Variants in VARS2 observed in about 807,000 individuals in gnomAD.
VARS2 encodes the protein valine--tRNA ligase, mitochondrial.
VARS2 carries 105 observed loss-of-function variants against 154.1 expected under a neutral mutation model. The observed-to-expected ratio is 0.68, with a 90% CI of 0.58 to 0.80. The LOEUF is 0.80. Among genes scored for constraint, VARS2 ranks in the 30% least tolerant of loss-of-function variants. The pLI, the probability that VARS2 is intolerant of heterozygous loss-of-function variation, is 0.00. For synonymous variants in VARS2, 483 were observed against 539.5 expected, an observed-to-expected ratio of 0.90 and a Z score of 1.45; for missense variants, 1,157 against 1,361.4, an observed-to-expected ratio of 0.85 and a Z score of 2.36.
Position 30,920,893 on chromosome 6 carries a change from T to C in VARS2, c.1479+144T>C. Reference sequence around the variant, plus strand: ...CTGAGAGGATGTGTGGGATGGAGGCTGGGCGGCCCAGCAAGGGCTGGCTCA... The same window carrying C: ...CTGAGAGGATGTGTGGGATGGAGGCCGGGCGGCCCAGCAAGGGCTGGCTCA... On this transcript the variant is annotated intron_variant, in intron 15 of 29. Coordinates refer to ENST00000676266, the MANE Select transcript of VARS2 (RefSeq NM_020442.6). The surrounding 1 kb of genome is among the most constrained non-coding windows in gnomAD (Gnocchi z 4.6). 1 of 1,098,560 alleles carries C rather than the reference T, an allele frequency of 9.1e-7. No homozygotes were observed. Among genetic ancestry groups the C allele is most frequent in the Non-Finnish European group, 1.3e-6 (1 of 780,120 alleles). 68.1% of individuals were successfully genotyped at this position (1,098,560 alleles called of 1,614,324 possible).
At chr6:30,924,637 G>T (rs990698150) in intron 26 of VARS2, 77 bp downstream of exon 26, 3 of 760,364 alleles carry the variant, frequency 3.9e-6, no homozygotes, top group African/African-American at 3.5e-5. Flanking sequence ...GCTGCAGGGG[G>T]CTCATCTGCA....
chr6:30,926,314 A>G lies in VARS2; in HGVS notation c.*104A>G. The G allele has an allele frequency of 8.7e-7, 1 of 1,154,072 alleles. No individual in the cohort carries two copies. Among genetic ancestry groups the G allele is most frequent in the Non-Finnish European group, 1.3e-6 (1 of 793,934 alleles). The allele number at this position is 1,154,072 out of a possible 1,614,324, so 71.5% of individuals were successfully genotyped here. ...TGGGACGTCAGAGACTATGTGGTCC[A>G]TCGCCTTCATTGTGTAAATGAGGAC... On this transcript the variant is annotated 3_prime_UTR_variant, in exon 30 of 30. Coordinates refer to ENST00000676266, the MANE Select transcript of VARS2 (RefSeq NM_020442.6).
In VARS2 at chr6:30,920,304, A is replaced by G; in HGVS notation, c.1294-29A>G. ...GTTTCTTATTTCTCTAGAGGCCTTC[A>G]GTCTTTACTCTTGCCGCTTTTTCTC... On this transcript the variant is annotated intron_variant, in intron 13 of 29. Coordinates refer to ENST00000676266, the MANE Select transcript of VARS2 (RefSeq NM_020442.6). The surrounding 1 kb of genome is among the most constrained non-coding windows in gnomAD (Gnocchi z 4.6). 1.3e-6 allele frequency: 2 copies of G among 1,592,960 alleles called. No individual in the cohort carries two copies. Among genetic ancestry groups the G allele is most frequent in the Non-Finnish European group, 1.7e-6 (2 of 1,171,748 alleles).
chr6:30,914,635 T>G, intron 1 of VARS2, 175 bp from the exon 2 acceptor site: 1 of 1,084,080 alleles, frequency 9.2e-7, no homozygotes. Flanking sequence ...CGTGGCTCCA[T>G]GGCGCTGTCT....
In VARS2 at chr6:30,916,893, C is replaced by T. The variant is rs1794209325; in HGVS notation, c.687C>T (p.Ile229=). The change falls in exon 8 of 30, where the codon ATC becomes ATT. Residue 229 remains isoleucine (I), a synonymous_variant. Coordinates refer to ENST00000676266, the MANE Select transcript of VARS2 (RefSeq NM_020442.6). This position sits in a 1 kb window ranked among gnomAD's most constrained non-coding sequence, Gnocchi z 4.0. ...WQWKEAKGGE[I]CEQLRALGAS... ...CTGGGCACAGGAAAGGTGGAGAGAT[C>T]TGTGAGCAGCTGCGAGCTCTGGGTG... The T allele has an allele frequency of 1.2e-6, 2 of 1,614,166 alleles. No individual in the cohort carries two copies. Among genetic ancestry groups the T allele is most frequent in the South Asian group, 2.2e-5 (2 of 91,076 alleles).
chr6:30,916,856 A>G lies in VARS2; in HGVS notation c.672-22A>G. 1.2e-6 allele frequency: 2 copies of G among 1,613,864 alleles called. No homozygotes were observed. The highest frequency in any genetic ancestry group is 8.5e-7 in the Non-Finnish European group (1 of 1,179,780). ...GGAAGTGCTTGGGAAGTGTTTGCTG[A>G]CAAGGATCTCTCTGGGCACAGGAAA... is the stretch of plus-strand genomic sequence containing the variant. On this transcript the variant is annotated intron_variant, in intron 7 of 29. Transcript: ENST00000676266. The surrounding 1 kb of genome is among the most constrained non-coding windows in gnomAD (Gnocchi z 4.0).
At chr6:30,914,598 G>T (rs945639684) in intron 1 of VARS2, 2 of 1,241,724 alleles carry the variant, frequency 1.6e-6, no homozygotes, top group Non-Finnish European at 2.1e-6. Flanking sequence ...AGACACTCCG[G>T]CCCTGTTCCG....
chr6:30,922,778 A>G lies in VARS2; in HGVS notation c.2106+4A>G. 6.2e-7 allele frequency: 1 copy of G among 1,607,330 alleles called. No individual in the cohort carries two copies. Among genetic ancestry groups the G allele is most frequent in the Non-Finnish European group, 8.5e-7 (1 of 1,176,088 alleles). Reference sequence around the variant, plus strand: ...GGCCATTGTGGCTGCAGCACAGGTGAGTCATCGCTGCCTGCCCCCCACCAG... The same window carrying G: ...GGCCATTGTGGCTGCAGCACAGGTGGGTCATCGCTGCCTGCCCCCCACCAG... On this transcript the variant is annotated splice_donor_region_variant and intron_variant, in intron 22 of 29. Coordinates refer to ENST00000676266, the MANE Select transcript of VARS2 (RefSeq NM_020442.6).
At chr6:30,915,705 C>G (rs1255577357) in intron 4 of VARS2, 41 bp from the exon 5 acceptor site, 2 of 1,608,978 alleles carry the variant, frequency 1.2e-6, no homozygotes, top group South Asian at 1.1e-5. Flanking sequence ...TTTCCCCAAT[C>G]CAATTCTCTC....
Position 30,921,065 on chromosome 6 carries a change from G to A in VARS2, c.1480G>A (p.Ala494Thr). The A allele has an allele frequency of 6.2e-7, 1 of 1,611,148 alleles. No homozygotes were observed. The highest frequency in any genetic ancestry group is 8.5e-7 in the Non-Finnish European group (1 of 1,178,552). ...TGTCTAAAGTCCCCTTTCTCTCCAG[G>A]CTGTGGAGTCGGGGGCCCTGGAGCT... ...CQEMGARAAK[A>T]VESGALELSP... The change falls in exon 16 of 30, where the codon GCT (alanine) becomes ACT (threonine). Residue 494 changes from alanine to threonine, a missense_variant and splice_region_variant. Transcript: ENST00000676266. This position sits in a 1 kb window ranked among gnomAD's most constrained non-coding sequence, Gnocchi z 4.6.
chr6:30,922,988 CGAGGGGTGTCGGGGT>C lies in VARS2; in HGVS notation c.2185+16_2185+30del. 1.9e-6 allele frequency: 3 copies of C among 1,606,066 alleles called. No individual in the cohort carries two copies. Among genetic ancestry groups the C allele is most frequent in the Non-Finnish European group, 2.6e-6 (3 of 1,175,348 alleles). Reference sequence around the variant, plus strand: ...CCATGGAGTTCAGGGTAAGCCTGGGCGAGGGGTGTCGGGGTGAGCAGAGGGCAGCGGGCACCTGTG... The same window carrying C: ...CCATGGAGTTCAGGGTAAGCCTGGGCGAGCAGAGGGCAGCGGGCACCTGTG... On this transcript the variant is annotated intron_variant, in intron 23 of 29. Coordinates refer to ENST00000676266, the MANE Select transcript of VARS2 (RefSeq NM_020442.6).
chr6:30,922,132 G>A lies in VARS2; in HGVS notation c.1823G>A (p.Arg608His). Residue 608 changes from arginine to histidine, a missense_variant, in exon 20 of 30, where the codon CGT becomes CAT. Coordinates refer to ENST00000676266, the MANE Select transcript of VARS2 (RefSeq NM_020442.6). ...TCCCCCTAGACCCCAGACCTTGCTC[G>A]TTTCTACCCCCTGTCACTTTTGGAA... ...GWPQETPDLARFYPLSLLETG... is the reference protein window; with the variant it reads ...GWPQETPDLAHFYPLSLLETG... 9 of 1,612,666 alleles carry A rather than the reference G, an allele frequency of 5.6e-6. No homozygotes were observed. The highest frequency in any genetic ancestry group is 7.6e-6 in the Non-Finnish European group (9 of 1,179,894).
chr6:30,921,675 G>A lies in VARS2; in HGVS notation c.1719G>A (p.Glu573=), dbSNP rs772067439. 1 of 1,605,900 alleles carries A rather than the reference G, an allele frequency of 6.2e-7. No individual in the cohort carries two copies. The highest frequency in any genetic ancestry group is 8.5e-7 in the Non-Finnish European group (1 of 1,177,614). Residue 573 remains glutamate (E), a synonymous_variant, in exon 18 of 30, where the codon GAG becomes GAA. Transcript: ENST00000676266. The surrounding 1 kb of genome is among the most constrained non-coding windows in gnomAD (Gnocchi z 4.6). ...AAELTGRPGA[E]LTLERDPDVL... ...AACTGACAGGGAGGCCAGGGGCAGA[G>A]CTGACCCTGGAGAGGGGTGAGTGCC...
chr6:30,914,286 G>T lies in VARS2; in HGVS notation c.-86G>T. 2.0e-6 allele frequency: 2 copies of T among 988,858 alleles called. No individual in the cohort carries two copies. The highest frequency in any genetic ancestry group is 2.6e-6 in the Non-Finnish European group (2 of 763,204). 61.3% of individuals were successfully genotyped at this position (988,858 alleles called of 1,614,324 possible). A position where few individuals can be genotyped will look rare whatever the true frequency, so the allele number is the denominator to read the frequency against. Reference sequence around the variant, plus strand: ...AGGGCCACGTTCCAGGGTCGGGTTTGGTGGATTCCTCAGTCCCTGCCGCCG... The same window carrying T: ...AGGGCCACGTTCCAGGGTCGGGTTTTGTGGATTCCTCAGTCCCTGCCGCCG... On this transcript the variant is annotated 5_prime_UTR_variant, in exon 1 of 30. Coordinates refer to ENST00000676266, the MANE Select transcript of VARS2 (RefSeq NM_020442.6).
chr6:30,923,097 C>G lies in VARS2; in HGVS notation c.2186-7C>G, dbSNP rs367640714. The G allele has an allele frequency of 1.2e-5, 19 of 1,612,826 alleles. No individual in the cohort carries two copies. The African/African-American group carries it at 1.7e-4, about 15-fold the overall frequency. ...ACATGCAGACTACCTCGATTCTTCC[C>G]TTCCAGCGGGCGACTTGCACCTGTC... On this transcript the variant is annotated splice_polypyrimidine_tract_variant and splice_region_variant and intron_variant, in intron 23 of 29. Coordinates refer to ENST00000676266, the MANE Select transcript of VARS2 (RefSeq NM_020442.6).
chr6:30,921,504 C>T lies in VARS2; in HGVS notation c.1633-85C>T. On this transcript the variant is annotated intron_variant, in intron 17 of 29. Coordinates refer to ENST00000676266, the MANE Select transcript of VARS2 (RefSeq NM_020442.6). The surrounding 1 kb of genome is among the most constrained non-coding windows in gnomAD (Gnocchi z 4.6). The stretch of plus-strand genomic sequence containing the variant: ...CTGGGGGAACCTGGCCACTCTAAGA[C>T]CACATGAGGACGTGAAAACCAAGTG... 6.6e-7 allele frequency: 1 copy of T among 1,505,766 alleles called. No homozygotes were observed. The highest frequency in any genetic ancestry group is 9.0e-7 in the Non-Finnish European group (1 of 1,105,494). 93.3% of individuals were successfully genotyped at this position (1,505,766 alleles called of 1,614,324 possible).
chr6:30,926,048 G>C (rs368301263), intron 29 of VARS2, 40 bp downstream of exon 29: 1 of 1,612,888 alleles, frequency 6.2e-7, no homozygotes, highest in Non-Finnish European at 8.5e-7. Flanking sequence ...CCACCCCTGA[G>C]GGAATGTGGG....
rs1226042716 is a variant in VARS2 at position 30,914,685 on chromosome 6, T to TA, written c.-27-125_-27-124insA. The TA allele has an allele frequency of 2.6e-6, 3 of 1,141,546 alleles. No individual in the cohort carries two copies. The African/African-American group carries it at 4.7e-5, about 18-fold the overall frequency. The allele number at this position is 1,141,546 out of a possible 1,614,324, so 70.7% of individuals were successfully genotyped here. A position where few individuals can be genotyped will look rare whatever the true frequency, so the allele number is the denominator to read the frequency against. On this transcript the variant is annotated intron_variant, in intron 1 of 29. Coordinates refer to ENST00000676266, the MANE Select transcript of VARS2 (RefSeq NM_020442.6). ...CTCTAGCTCTCAAGGAGGAAAGGTT[T>TA]TGTGGAAGGGAATAGAGACTTGGAA...
intron 26 of VARS2, 110 bp downstream of exon 26, chr6:30,924,670 G>C: frequency 1.6e-6 from 1 of 641,744 alleles, no homozygotes. Flanking sequence ...ACTTTACTGT[G>C]GAGCCCTGGG....
Sources: allele counts gnomAD v4.1 joint callset, GRCh38; gene constraint gnomAD v4.1.1; non-coding constraint Gnocchi (gnomAD v3.1); transcripts MANE v1.5; gene names NCBI Gene and HGNC (gene_info 2026-07-23, HGNC 2026-07-21).